The following MYRF variants were observed in gnomAD, a reference collection of about 807,000 sequenced individuals.
MYRF encodes myelin regulatory factor, also known as myelin gene regulatory factor.
A neutral mutation model predicts 126.3 loss-of-function variants in MYRF; 16 were observed. That is an observed-to-expected ratio of 0.13 (90% CI 0.09 to 0.19). The LOEUF (loss-of-function observed/expected upper bound fraction) is 0.19. Among genes scored for constraint, MYRF ranks in the 10% least tolerant of loss-of-function variants. The pLI is 1.00. For missense variants in MYRF, 1,104 were observed against 1,547.0 expected, an observed-to-expected ratio of 0.71 and a Z score of 4.80; for synonymous variants, 608 against 635.3, an observed-to-expected ratio of 0.96 and a Z score of 0.65.
chr11:61,759,023 A>G (rs11230794), intron 1 of MYRF, among the ~76,000 whole-genome samples: 46 of 152,330 alleles, frequency 3.0e-4, no homozygotes, highest in African/African-American at 1.0e-3. Context: ...TGGATACCTG[A>G]CTGCAGGGTG....
rs201220229 is a variant in MYRF, at chr11:61,781,302, A to G, written c.2737A>G (p.Ser913Gly). Reference protein sequence around the residue: ...SFNPGHVLSPSPSPSTNRSGP... With the variant: ...SFNPGHVLSPGPSPSTNRSGP... ...TAACCCTGGCCATGTTCTCAGCCCA[A>G]GTCCCAGCCCCAGCACCAACCGCTC... is the stretch of plus-strand genomic sequence containing the variant. Residue 913 changes from serine to glycine, a missense_variant, in exon 21 of 27, where the codon AGT becomes GGT. Physicochemically the swap from Ser to Gly is moderately conservative, Grantham distance 56. This residue lies in a region of MYRF where 323 missense variants were observed against 383.1 expected (regional missense o/e 0.84). Coordinates refer to ENST00000278836, the MANE Select transcript of MYRF (RefSeq NM_001127392.3). 1 of 1,613,990 alleles carries G rather than the reference A, an allele frequency of 6.2e-7. No homozygotes were observed. Among genetic ancestry groups the G allele is most frequent in the African/African-American group, 1.3e-5 (1 of 74,930 alleles).
At chr11:61,756,933 G>GCAGCAGAGGCTGCTGGGTAACAGCC (rs2065774638) in intron 1 of MYRF, 4 of 349,104 alleles carry the variant, frequency 1.1e-5, no homozygotes, top group African/African-American at 2.1e-5. Context: ...GAGGGCCCTG[G>GCAGCAGAGGCTGCTGGGTAACAGCC]CAGCAGAGGC....
chr11:61,757,991 T>G lies in MYRF; in HGVS notation c.46+5201T>G, dbSNP rs896031760. ...GGGTGGCCACGCCAGGTGATGTCCGTGCAGCCTCCTTGACCTCTCTAGACC... is the reference window on the plus strand; with the variant it reads ...GGGTGGCCACGCCAGGTGATGTCCGGGCAGCCTCCTTGACCTCTCTAGACC... On this transcript the variant is annotated intron_variant, in intron 1 of 26. Coordinates refer to ENST00000278836, the MANE Select transcript of MYRF (RefSeq NM_001127392.3). This position sits in a 1 kb window ranked among gnomAD's most constrained non-coding sequence, Gnocchi z 4.7. 6.6e-6 allele frequency among the ~76,000 whole-genome samples: 1 copy of G among 152,150 alleles called. No homozygotes were observed. Among genetic ancestry groups the G allele is most frequent in the Non-Finnish European group, 1.5e-5 (1 of 68,022 alleles).
intron 25 of MYRF, chr11:61,784,591 C>G: frequency 1.8e-6 from 1 of 567,450 alleles, no homozygotes; most frequent in Non-Finnish European, 3.2e-6. Context: ...CTGAGCATCT[C>G]CCAGCCCTGC....
Position 61,778,067 on chromosome 11 carries a change from G to C in MYRF, c.1903+222G>C, listed in dbSNP as rs1192530273. Reference sequence around the variant, plus strand: ...TTGTCAGTGGAAATCTGAGAATCACGGCCCAGGGACCCTCGCCCTTCGCGC... The same window carrying C: ...TTGTCAGTGGAAATCTGAGAATCACCGCCCAGGGACCCTCGCCCTTCGCGC... On this transcript the variant is annotated intron_variant, in intron 13 of 26. Coordinates refer to ENST00000278836, the MANE Select transcript of MYRF (RefSeq NM_001127392.3). The surrounding 1 kb of genome is among the most constrained non-coding windows in gnomAD (Gnocchi z 4.6). Among the ~76,000 whole-genome samples the C allele has an allele frequency of 1.3e-5, 2 of 152,128 alleles. No individual in the cohort carries two copies. Among genetic ancestry groups the C allele is most frequent in the African/African-American group, 4.8e-5 (2 of 41,414 alleles).
At chr11:61,763,892 C>T (rs866992818) in intron 1 of MYRF, among the ~76,000 whole-genome samples, 1 of 152,068 alleles carries the variant, frequency 6.6e-6, no homozygotes, top group Non-Finnish European at 1.5e-5. Context: ...AGTAAAGAAA[C>T]TCCTGTGATT....
In MYRF at chr11:61,752,643, G is replaced by A. The variant is rs2065638158; in HGVS notation, c.-102G>A. On this transcript the variant is annotated 5_prime_UTR_variant, in exon 1 of 27. Coordinates refer to ENST00000278836, the MANE Select transcript of MYRF (RefSeq NM_001127392.3). ...GGCGGACCGGGCGGGACCGTAGCCG[G>A]AGCCCAGCCGGGACTGTCGCGCGGG... 3.2e-6 allele frequency: 3 copies of A among 931,502 alleles called. No individual in the cohort carries two copies. The highest frequency in any genetic ancestry group is 4.1e-6 in the Non-Finnish European group (3 of 729,662). 57.7% of individuals were successfully genotyped at this position (931,502 alleles called of 1,614,324 possible).
rs1327844695 is a variant in MYRF at position 61,770,358 on chromosome 11, C to T, written c.573C>T (p.Pro191=). 3.3e-6 allele frequency: 5 copies of T among 1,517,834 alleles called. No homozygotes were observed. The highest frequency in any genetic ancestry group is 2.0e-5 in the Admixed American group (1 of 50,748). The allele number at this position is 1,517,834 out of a possible 1,614,324, so 94.0% of individuals were successfully genotyped here. The part of the protein sequence containing the change: ...PPAHLPGPPP[P]PPPPPHYPVL... ...CCCACTTGCCAGGCCCCCCGCCACC[C>T]CCACCACCCCCACCTCACTACCCTG... is the stretch of plus-strand genomic sequence containing the variant. Residue 191 remains proline, a synonymous_variant, in exon 5 of 27, where the codon CCC becomes CCT. Transcript: ENST00000278836.
intron 1 of MYRF, among the ~76,000 whole-genome samples, chr11:61,758,580 C>G (rs887661931): frequency 1.3e-5 from 2 of 152,174 alleles, no homozygotes; most frequent in Admixed American, 6.5e-5. Context: ...GGGCCTGGGC[C>G]TGTCGTCGGG....
chr11:61,785,605 C>A lies in MYRF; in HGVS notation c.3301-195C>A, dbSNP rs2066674317. 5 of 596,956 alleles carry A rather than the reference C, an allele frequency of 8.4e-6. No individual in the cohort carries two copies. In the East Asian group the frequency reaches 1.1e-4, roughly 13 times the overall value. 37.0% of individuals were successfully genotyped at this position (596,956 alleles called of 1,614,324 possible). On this transcript the variant is annotated intron_variant, in intron 25 of 26. Coordinates refer to ENST00000278836, the MANE Select transcript of MYRF (RefSeq NM_001127392.3). ...TGGCTGTGGACCTGCCAGTCCCGGG[C>A]ACGGTCTGCATGGAGTAGCTGCCAT...
intron 1 of MYRF, among the ~76,000 whole-genome samples, chr11:61,763,184 G>A (rs531312558): frequency 9.8e-5 from 15 of 152,312 alleles, no homozygotes; most frequent in African/African-American, 2.2e-4. Flanking sequence ...CACAGCAACC[G>A]CCAGTCACAC....
At chr11:61,779,621 G>T in intron 16 of MYRF, 51 bp downstream of exon 16, 2 of 1,438,136 alleles carry the variant, frequency 1.4e-6, no homozygotes, top group South Asian at 2.9e-5. Context: ...CCTCCCTTGT[G>T]GCCTCCCTTT....
chr11:61,777,474 G>GGGCT lies in MYRF; in HGVS notation c.1791+12_1791+15dup. 6.3e-7 allele frequency: 1 copy of GGGCT among 1,593,484 alleles called. No individual in the cohort carries two copies. The highest frequency in any genetic ancestry group is 8.5e-7 in the Non-Finnish European group (1 of 1,170,124). On this transcript the variant is annotated intron_variant, in intron 12 of 26. Coordinates refer to ENST00000278836, the MANE Select transcript of MYRF (RefSeq NM_001127392.3). The surrounding 1 kb of genome is among the most constrained non-coding windows in gnomAD (Gnocchi z 8.8). ...GGAACACGTGCAGGAGGTGGGGACA[G>GGGCT]GGCTGTGGGGGCCGGGCGGGTCCAG...
intron 3 of MYRF, 29 bp from the exon 4 acceptor site, chr11:61,769,231 C>G (rs2135770967): frequency 6.8e-7 from 1 of 1,464,208 alleles, no homozygotes; most frequent in Admixed American, 1.9e-5. Flanking sequence ...AGCTGCTCAC[C>G]CCCCGGCCCC....
At chr11:61,771,474 C>G (rs376523393) in intron 5 of MYRF, 26 bp from the exon 6 acceptor site, 4 of 1,598,442 alleles carry the variant, frequency 2.5e-6, no homozygotes, top group East Asian at 2.2e-5. Flanking sequence ...AGCCAGCCCC[C>G]ACGGCGCACA....
intron 8 of MYRF, among the ~76,000 whole-genome samples, chr11:61,774,698 C>T (rs1288903599): frequency 6.6e-6 from 1 of 151,102 alleles, no homozygotes; most frequent in African/African-American, 2.4e-5. Flanking sequence ...GGCTCATCAA[C>T]CTGCCTCCCT....
intron 24 of MYRF, 165 bp from the exon 25 acceptor site, chr11:61,784,115 C>A: frequency 1.1e-6 from 1 of 951,878 alleles, no homozygotes; most frequent in Non-Finnish European, 1.6e-6. Flanking sequence ...GGGCTGAGGA[C>A]CACATGGGAT....
At position 61,769,332 on chromosome 11, in the gene MYRF, C is replaced by T. The variant is rs776118442; in HGVS notation, c.460+11C>T. ...CCCAGCAGGTGAATGGTGAGTCCAG[C>T]GGGCACCGCCCTCCTGCTCCAGGGT... On this transcript the variant is annotated intron_variant, in intron 4 of 26. Coordinates refer to ENST00000278836, the MANE Select transcript of MYRF (RefSeq NM_001127392.3). The T allele has an allele frequency of 3.7e-5, 60 of 1,603,754 alleles. No individual in the cohort carries two copies. Among genetic ancestry groups the T allele is most frequent in the Non-Finnish European group, 4.4e-5 (52 of 1,174,954 alleles).
rs1326416940 is a variant in MYRF at position 61,757,520 on chromosome 11, G to C, written c.46+4730G>C. The C allele has an allele frequency of 4.4e-6, 2 of 456,550 alleles. No individual in the cohort carries two copies. The highest frequency in any genetic ancestry group is 3.3e-4 in the Middle Eastern group (1 of 3,074). 28.3% of individuals were successfully genotyped at this position (456,550 alleles called of 1,614,324 possible). A position where few individuals can be genotyped will look rare whatever the true frequency, so the allele number is the denominator to read the frequency against. ...GATTACTGGTCCCCAGGGTAGGTCA[G>C]TGCCCCTAAGCTTAGGGGGCTTGTT... On this transcript the variant is annotated intron_variant, in intron 1 of 26. Transcript: ENST00000278836. This position sits in a 1 kb window ranked among gnomAD's most constrained non-coding sequence, Gnocchi z 4.7.
Sources: allele counts gnomAD v4.1 joint callset (sites outside exome capture counted in the v4.1 genomes callset), GRCh38; gene constraint gnomAD v4.1.1; regional missense constraint gnomAD v4.1.1; non-coding constraint Gnocchi (gnomAD v3.1); transcripts MANE v1.5; gene names NCBI Gene and HGNC (gene_info 2026-07-23, HGNC 2026-07-21).